BRIP1: variants seen among roughly 807,000 people sequenced by gnomAD.
BRIP1 encodes the protein Fanconi anemia group J protein.
Under a neutral mutation model 119.7 loss-of-function variants are expected in BRIP1, and 88 were observed. The observed-to-expected ratio is 0.74, with a 90% CI of 0.62 to 0.88. BRIP1 has a LOEUF of 0.88. Ranked by LOEUF, BRIP1 falls within the 40% of genes least tolerant of loss-of-function variation. The pLI is 0.00. For synonymous variants in BRIP1, 443 were observed against 496.5 expected (o/e 0.89, Z 1.43); for missense variants, 1,259 against 1,455.4 (o/e 0.87, Z 2.20).
rs1355307756 is a variant in BRIP1 at position 61,827,634 on chromosome 17, T to C, written c.628-18877A>G. 6.6e-6 allele frequency among the ~76,000 whole-genome samples: 1 copy of C among 151,914 alleles called. No homozygotes were observed. Among genetic ancestry groups the C allele is most frequent in the Non-Finnish European group, 1.5e-5 (1 of 67,974 alleles). ...ATCCCAGCTATTCGGGAGGCTGAGGTGGGAGGACTGCTTGATCCTGGGAGG... is the reference window on the plus strand; with the variant it reads ...ATCCCAGCTATTCGGGAGGCTGAGGCGGGAGGACTGCTTGATCCTGGGAGG... On this transcript the variant is annotated intron_variant, in intron 6 of 19. Transcript: ENST00000259008. The surrounding 1 kb of genome is among the most constrained non-coding windows in gnomAD (Gnocchi z 5.8).
intron 4 of BRIP1, 135 bp from the exon 5 acceptor site, chr17:61,849,391 A>G: frequency 2.7e-6 from 2 of 740,538 alleles, no homozygotes; most frequent in Non-Finnish European, 4.4e-6. Flanking sequence ...AAACTTAAAC[A>G]TGTTTAAAAA....
chr17:61,784,344 A>AAGT lies in BRIP1; in HGVS notation c.1553_1554insACT (p.Val518_Ile519insLeu), dbSNP rs1480863891. ...GCATTATTTGAGTTGATGCACTAAT[A>AAGT]ACAGGTACTTCTCTTGCCTCCTCTT... On this transcript the variant is annotated inframe_insertion, in exon 11 of 20. Transcript: ENST00000259008. 6.2e-7 allele frequency: 1 copy of AAGT among 1,613,078 alleles called. No homozygotes were observed. The highest frequency in any genetic ancestry group is 8.5e-7 in the Non-Finnish European group (1 of 1,179,238).
chr17:61,700,927 G>A lies in BRIP1; in HGVS notation c.2493-7415C>T, dbSNP rs1221128601. ...TTTCTTCTGCCTTCTTAAATCTGCT[G>A]TTGGGCCCCTGTAATGAATATTTCA... is the stretch of plus-strand genomic sequence containing the variant. On this transcript the variant is annotated intron_variant, in intron 17 of 19. Transcript: ENST00000259008. The surrounding 1 kb of genome is among the most constrained non-coding windows in gnomAD (Gnocchi z 4.1). Among the ~76,000 whole-genome samples, 2 of 152,118 alleles carry A rather than the reference G, an allele frequency of 1.3e-5. No individual in the cohort carries two copies. Among genetic ancestry groups the A allele is most frequent in the East Asian group, 3.9e-4 (2 of 5,168 alleles).
intron 5 of BRIP1, among the ~76,000 whole-genome samples, chr17:61,847,887 G>A (rs1305803843): frequency 6.6e-6 from 1 of 152,148 alleles, no homozygotes; most frequent in Non-Finnish European, 1.5e-5. Context: ...TGAAGTGAGG[G>A]AATAAATGTT....
At chr17:61,763,945 T>C (rs1343334137) in intron 14 of BRIP1, among the ~76,000 whole-genome samples, 4 of 152,102 alleles carry the variant, frequency 2.6e-5, no homozygotes, top group Admixed American at 2.0e-4. Context: ...ACACTACATA[T>C]ACATGAGGTA....
At position 61,721,371 on chromosome 17, in the gene BRIP1, G is replaced by A. The variant is rs529098189; in HGVS notation, c.2380-5308C>T. 2.7e-5 allele frequency among the ~76,000 whole-genome samples: 4 copies of A among 147,034 alleles called. No homozygotes were observed. In the East Asian group the frequency reaches 8.2e-4, roughly 30 times the overall value. On this transcript the variant is annotated intron_variant, in intron 16 of 19. Coordinates refer to ENST00000259008, the MANE Select transcript of BRIP1 (RefSeq NM_032043.3). ...TGCAACCTCTGCCTCCCAAGTTCAA[G>A]AGATTCTCCTGCCTCAGCCTCCCGA...
rs2078545283 is a variant in BRIP1, at chr17:61,834,743, T to C, written c.627+12358A>G. Reference sequence around the variant, plus strand: ...GGCCACCATATACATAAACCAGAATTAGCCTGCTAGATGATGAGAGAGACC... The same window carrying C: ...GGCCACCATATACATAAACCAGAATCAGCCTGCTAGATGATGAGAGAGACC... On this transcript the variant is annotated intron_variant, in intron 6 of 19. Coordinates refer to ENST00000259008, the MANE Select transcript of BRIP1 (RefSeq NM_032043.3). This position sits in a 1 kb window ranked among gnomAD's most constrained non-coding sequence, Gnocchi z 4.4. Among the ~76,000 whole-genome samples the C allele has an allele frequency of 6.6e-6, 1 of 152,120 alleles. No homozygotes were observed. The highest frequency in any genetic ancestry group is 6.5e-5 in the Admixed American group (1 of 15,268).
rs2077416321 is a variant in BRIP1 at position 61,769,413 on chromosome 17, G to A, written c.2097+6988C>T. 6.6e-6 allele frequency among the ~76,000 whole-genome samples: 1 copy of A among 151,932 alleles called. No homozygotes were observed. Among genetic ancestry groups the A allele is most frequent in the Non-Finnish European group, 1.5e-5 (1 of 68,004 alleles). ...AATGTAGGCTTTCTGTCTTCTGCAT[G>A]GTCAGTATCAAACCCCTCTGAAATG... On this transcript the variant is annotated intron_variant, in intron 14 of 19. Transcript: ENST00000259008. The surrounding 1 kb of genome is among the most constrained non-coding windows in gnomAD (Gnocchi z 4.9).
intron 17 of BRIP1, among the ~76,000 whole-genome samples, chr17:61,702,839 G>A (rs755701834): frequency 1.5e-5 from 2 of 134,258 alleles, no homozygotes; most frequent in Non-Finnish European, 3.3e-5. Context: ...GGAATTGTTG[G>A]GTTGAACAGT....
rs2076904945 is a variant in BRIP1 at position 61,735,511 on chromosome 17, A to T, written c.2379+7502T>A. Among the ~76,000 whole-genome samples the T allele has an allele frequency of 6.6e-6, 1 of 151,942 alleles. No homozygotes were observed. Among genetic ancestry groups the T allele is most frequent in the Non-Finnish European group, 1.5e-5 (1 of 67,996 alleles). ...GAAGCCAAGAGTACACCTTAGGGCT[A>T]GGCACGGTGGCTCACACTTGTAATC... On this transcript the variant is annotated intron_variant, in intron 16 of 19. Transcript: ENST00000259008. The surrounding 1 kb of genome is among the most constrained non-coding windows in gnomAD (Gnocchi z 4.4).
rs2077591413 is a variant in BRIP1 at position 61,780,141 on chromosome 17, A to C, written c.1935+120T>G. On this transcript the variant is annotated intron_variant, in intron 13 of 19. Coordinates refer to ENST00000259008, the MANE Select transcript of BRIP1 (RefSeq NM_032043.3). This position sits in a 1 kb window ranked among gnomAD's most constrained non-coding sequence, Gnocchi z 5.4. ...AGATTTTCTTTTATTGTAAAACTGG[A>C]ATGTTGAATTTCCTACCAAGATTTA... The C allele has an allele frequency of 9.3e-7, 1 of 1,073,516 alleles. No homozygotes were observed. Among genetic ancestry groups the C allele is most frequent in the Admixed American group, 2.0e-5 (1 of 48,782 alleles). The allele number at this position is 1,073,516 out of a possible 1,614,324, so 66.5% of individuals were successfully genotyped here.
At position 61,719,016 on chromosome 17, in the gene BRIP1, A is replaced by C. The variant is rs192067718; in HGVS notation, c.2380-2953T>G. ...AAAATCTGTACATGTTCAGTACAGA[A>C]GCAATTTTTTTTCAAATATTTTTGA... is the stretch of plus-strand genomic sequence containing the variant. On this transcript the variant is annotated intron_variant, in intron 16 of 19. Transcript: ENST00000259008. Among the ~76,000 whole-genome samples the C allele has an allele frequency of 6.0e-4, 91 of 152,312 alleles. 1 individual carries two copies. The East Asian group carries it at 0.017, about 29-fold the overall frequency.
rs1035889397 is a variant in BRIP1 at position 61,759,751 on chromosome 17, A to T, written c.2098-15160T>A. ...GTGTACAAGTGGCATTATGTCTAAA[A>T]AAATACATACCTTAATTTTAAAATA... On this transcript the variant is annotated intron_variant, in intron 14 of 19. Transcript: ENST00000259008. This position sits in a 1 kb window ranked among gnomAD's most constrained non-coding sequence, Gnocchi z 4.9. Among the ~76,000 whole-genome samples the T allele has an allele frequency of 6.6e-6, 1 of 152,126 alleles. No homozygotes were observed. The highest frequency in any genetic ancestry group is 2.4e-5 in the African/African-American group (1 of 41,450).
chr17:61,792,878 T>C (rs999563610), intron 10 of BRIP1, among the ~76,000 whole-genome samples: 2 of 152,166 alleles, frequency 1.3e-5, no homozygotes, highest in East Asian at 3.8e-4. Flanking sequence ...TATACTACAC[T>C]ATTGTAAGAG....
rs540772029 is a variant in BRIP1 at position 61,740,674 on chromosome 17, A to G, written c.2379+2339T>C. 3.6e-4 allele frequency among the ~76,000 whole-genome samples: 55 copies of G among 152,338 alleles called. No individual in the cohort carries two copies. Among genetic ancestry groups the G allele is most frequent in the Admixed American group, 3.6e-3 (55 of 15,312 alleles). ...AATTTTTTGGTTTCCCAACACATAT[A>G]AAAGCTATGTTTACACTATACTGCA... On this transcript the variant is annotated intron_variant, in intron 16 of 19. Coordinates refer to ENST00000259008, the MANE Select transcript of BRIP1 (RefSeq NM_032043.3). The surrounding 1 kb of genome is among the most constrained non-coding windows in gnomAD (Gnocchi z 5.4).
In BRIP1 at chr17:61,808,907, T is replaced by A. The variant is rs995315396; in HGVS notation, c.628-150A>T. On this transcript the variant is annotated intron_variant, in intron 6 of 19. Coordinates refer to ENST00000259008, the MANE Select transcript of BRIP1 (RefSeq NM_032043.3). The surrounding 1 kb of genome is among the most constrained non-coding windows in gnomAD (Gnocchi z 4.1). ...AAATTATAGTATCTAAAACTTGCCA[T>A]TAAAGAAAAAACTACAATTTAAAAT... is the stretch of plus-strand genomic sequence containing the variant. 3 of 820,070 alleles carry A rather than the reference T, an allele frequency of 3.7e-6. No individual in the cohort carries two copies. Among genetic ancestry groups the A allele is most frequent in the Non-Finnish European group, 5.6e-6 (3 of 535,784 alleles). The allele number at this position is 820,070 out of a possible 1,614,324, so 50.8% of individuals were successfully genotyped here. A position where few individuals can be genotyped will look rare whatever the true frequency, so the allele number is the denominator to read the frequency against.
rs1567839723 is a variant in BRIP1, at chr17:61,810,215, T to C, written c.628-1458A>G. ...CAAATATCCTGCCTTCTATATTGAA[T>C]AATTACTTATTCACTAAAAGGATAA... is the stretch of plus-strand genomic sequence containing the variant. On this transcript the variant is annotated intron_variant, in intron 6 of 19. Transcript: ENST00000259008. This position sits in a 1 kb window ranked among gnomAD's most constrained non-coding sequence, Gnocchi z 4.7. 6.6e-6 allele frequency among the ~76,000 whole-genome samples: 1 copy of C among 152,202 alleles called. No individual in the cohort carries two copies. The highest frequency in any genetic ancestry group is 1.5e-5 in the Non-Finnish European group (1 of 68,026).
At position 61,861,810 on chromosome 17, in the gene BRIP1, A is replaced by G; in HGVS notation, c.-30-241T>C. On this transcript the variant is annotated intron_variant, in intron 1 of 19. Transcript: ENST00000259008. The surrounding 1 kb of genome is among the most constrained non-coding windows in gnomAD (Gnocchi z 4.5). ...CAGGTATTAGTTGTGTGACTTCGGG[A>G]AAGTTAGTTACCTTCTCTAAGCCAC... 2 of 518,038 alleles carry G rather than the reference A, an allele frequency of 3.9e-6. No homozygotes were observed. The highest frequency in any genetic ancestry group is 7.0e-6 in the Non-Finnish European group (2 of 287,614). The allele number at this position is 518,038 out of a possible 1,614,324, so 32.1% of individuals were successfully genotyped here.
rs1371735940 is a variant in BRIP1, at chr17:61,690,286, ATACTT to A, written c.2575+3139_2575+3143del. 3.3e-5 allele frequency among the ~76,000 whole-genome samples: 5 copies of A among 152,228 alleles called. No homozygotes were observed. Among genetic ancestry groups the A allele is most frequent in the Admixed American group, 1.3e-4 (2 of 15,282 alleles). On this transcript the variant is annotated intron_variant, in intron 18 of 19. Transcript: ENST00000259008. This position sits in a 1 kb window ranked among gnomAD's most constrained non-coding sequence, Gnocchi z 5.6. ...AGTTAAAAGTGTACACAAATACAGA[ATACTT>A]TAATATAACAACAGTGATACATAAA...
Sources: gnomAD v4.1 joint callset for allele counts (sites outside exome capture counted in the v4.1 genomes callset) on GRCh38, gnomAD v4.1.1 for gene constraint, Gnocchi (gnomAD v3.1) non-coding constraint, MANE v1.5 for transcripts, NCBI Gene and HGNC (gene_info 2026-07-23, HGNC 2026-07-21) for gene names.